The following ETV6 variants were observed in gnomAD, a reference collection of about 807,000 sequenced individuals.
The protein encoded by ETV6 is transcription factor ETV6.
In ETV6, 16 loss-of-function variants were observed where a neutral mutation model predicts 51.1. The observed-to-expected ratio is 0.31, with a 90% CI of 0.21 to 0.48. The LOEUF (loss-of-function observed/expected upper bound fraction) is 0.48. Ranked by LOEUF, ETV6 falls within the 20% of genes least tolerant of loss-of-function variation. The pLI is 0.99. For missense variants in ETV6, 458 were observed against 594.8 expected (o/e 0.77, Z 2.39); for synonymous variants, 240 against 224.1 (o/e 1.07, Z -0.64).
Position 11,894,801 on chromosome 12 carries a change from T to A in ETV6, c.*3755T>A, listed in dbSNP as rs555266672. 1 of 233,364 alleles carries A rather than the reference T, an allele frequency of 4.3e-6. No individual in the cohort carries two copies. The highest frequency in any genetic ancestry group is 5.6e-5 in the Admixed American group (1 of 17,794). 14.5% of individuals were successfully genotyped at this position (233,364 alleles called of 1,614,324 possible). A position where few individuals can be genotyped will look rare whatever the true frequency, so the allele number is the denominator to read the frequency against. Reference sequence around the variant, plus strand: ...CTAGGAGCAGACAGCATGCCAAGAATGGAATTAGGCTCAGGATCCAGCCTG... The same window carrying A: ...CTAGGAGCAGACAGCATGCCAAGAAAGGAATTAGGCTCAGGATCCAGCCTG... On this transcript the variant is annotated 3_prime_UTR_variant, in exon 8 of 8. Coordinates refer to ENST00000396373, the MANE Select transcript of ETV6 (RefSeq NM_001987.5).
intron 4 of ETV6, among the ~76,000 whole-genome samples, chr12:11,855,865 A>C (rs1268811628): frequency 1.3e-5 from 2 of 152,106 alleles, no homozygotes; most frequent in Non-Finnish European, 2.9e-5. Flanking sequence ...TCCGGCTTGC[A>C]TAATAGCCAC....
At chr12:11,859,515 C>T (rs977371439) in intron 4 of ETV6, among the ~76,000 whole-genome samples, 1 of 152,048 alleles carries the variant, frequency 6.6e-6, no homozygotes, top group African/African-American at 2.4e-5. Context: ...CTGTTCTAAG[C>T]TCTTATATCT....
chr12:11,789,373 C>A (rs143226943), intron 2 of ETV6, among the ~76,000 whole-genome samples: 25 of 152,244 alleles, frequency 1.6e-4, no homozygotes, highest in East Asian at 5.8e-4. Context: ...ATCTCCTTCA[C>A]TAATTCATCC....
intron 1 of ETV6, among the ~76,000 whole-genome samples, chr12:11,725,862 G>A (rs1374740624): frequency 6.6e-6 from 1 of 152,208 alleles, no homozygotes; most frequent in Non-Finnish European, 1.5e-5. Flanking sequence ...AGTGGAAGCA[G>A]CCTGAGGTCC....
chr12:11,825,303 AAG>A (rs1946136463), intron 2 of ETV6, among the ~76,000 whole-genome samples: 1 of 152,244 alleles, frequency 6.6e-6, no homozygotes, highest in Non-Finnish European at 1.5e-5. Context: ...GATTTTTTAA[AAG>A]AGAAACACAA....
chr12:11,650,297 G>C, intron 1 of ETV6, 137 bp downstream of exon 1: 1 of 761,142 alleles, frequency 1.3e-6, no homozygotes, highest in Non-Finnish European at 2.3e-6. Context: ...GAGGGAAAGA[G>C]ATGCAGCTCG....
At chr12:11,682,554 A>C (rs1864551300) in intron 1 of ETV6, among the ~76,000 whole-genome samples, 1 of 152,148 alleles carries the variant, frequency 6.6e-6, no homozygotes, top group Non-Finnish European at 1.5e-5. Context: ...GCTGAGCAGA[A>C]GCTCTTTAGT....
At chr12:11,693,413 G>A (rs913681283) in intron 1 of ETV6, among the ~76,000 whole-genome samples, 9 of 152,170 alleles carry the variant, frequency 5.9e-5, no homozygotes, top group Admixed American at 4.6e-4. Flanking sequence ...TCCCACAATA[G>A]TCATCTGGGT....
At chr12:11,652,564 CA>C (rs1433897114) in intron 1 of ETV6, among the ~76,000 whole-genome samples, 1 of 152,180 alleles carries the variant, frequency 6.6e-6, no homozygotes, top group Non-Finnish European at 1.5e-5. Flanking sequence ...TCCTGTGACA[CA>C]AAAGGCTCTC....
chr12:11,687,744 G>A (rs1033756113), intron 1 of ETV6, among the ~76,000 whole-genome samples: 5 of 152,016 alleles, frequency 3.3e-5, no homozygotes, highest in African/African-American at 9.7e-5. Context: ...TAGCTTTAAC[G>A]GACTTGTAGC....
rs183177395 is a variant in ETV6, at chr12:11,650,397, T to C, written c.33+237T>C. 8.8e-3 allele frequency among the ~76,000 whole-genome samples: 1,257 copies of C among 142,492 alleles called. 7 individuals are homozygous for C. Among genetic ancestry groups the C allele is most frequent in the Non-Finnish European group, 0.015 (994 of 65,670 alleles). 93.5% of individuals were successfully genotyped at this position (142,492 alleles called of 152,430 possible). On this transcript the variant is annotated intron_variant, in intron 1 of 7. Coordinates refer to ENST00000396373, the MANE Select transcript of ETV6 (RefSeq NM_001987.5). ...TCCTCGGCCCCCACCCCCTTGCTTT[T>C]TGACAATGAAATGCCGGTCACAATT...
chr12:11,763,400 C>T (rs1320826349), intron 2 of ETV6, among the ~76,000 whole-genome samples: 1 of 152,046 alleles, frequency 6.6e-6, no homozygotes, highest in Non-Finnish European at 1.5e-5. Flanking sequence ...GTAGGAATTC[C>T]CTGAGAGAGG....
intron 6 of ETV6, among the ~76,000 whole-genome samples, chr12:11,885,675 G>A (rs1359447774): frequency 6.6e-6 from 1 of 152,220 alleles, no homozygotes; most frequent in Non-Finnish European, 1.5e-5. Context: ...TTATTAGCTA[G>A]GGCTCCAGGA....
chr12:11,668,975 GTCTTCAGAT>G (rs1864251342), intron 1 of ETV6, among the ~76,000 whole-genome samples: 1 of 152,158 alleles, frequency 6.6e-6, no homozygotes, highest in African/African-American at 2.4e-5. Flanking sequence ...TCAGGGCCAC[GTCTTCAGAT>G]CCCTACAACT....
At chr12:11,875,162 A>G (rs1435448658) in intron 5 of ETV6, among the ~76,000 whole-genome samples, 1 of 152,248 alleles carries the variant, frequency 6.6e-6, no homozygotes, top group Non-Finnish European at 1.5e-5. Flanking sequence ...CAAATCACAA[A>G]TGACATCTTT....
intron 2 of ETV6, among the ~76,000 whole-genome samples, chr12:11,762,071 T>C (rs1945093649): frequency 6.6e-6 from 1 of 152,208 alleles, no homozygotes; most frequent in African/African-American, 2.4e-5. Context: ...CCAGCTCTGT[T>C]GAGCATTTCC....
chr12:11,697,157 G>C (rs1190993973), intron 1 of ETV6, among the ~76,000 whole-genome samples: 1 of 152,186 alleles, frequency 6.6e-6, no homozygotes, highest in Non-Finnish European at 1.5e-5. Context: ...CAGTGGAGTC[G>C]ATCATTTATT....
chr12:11,830,028 G>C lies in ETV6; in HGVS notation c.164-9112G>C, dbSNP rs535368443. 5.3e-5 allele frequency among the ~76,000 whole-genome samples: 8 copies of C among 152,254 alleles called. No individual in the cohort carries two copies. In the South Asian group the frequency reaches 1.7e-3, roughly 32 times the overall value. On this transcript the variant is annotated intron_variant, in intron 2 of 7. Transcript: ENST00000396373. ...TGAGCAGATTTGCAGAGAGCAGGCC[G>C]GTGGGGAAGGGAAAGGAGGCAGAAA...
In ETV6 at chr12:11,794,155, A is replaced by T. The variant is rs143375444; in HGVS notation, c.163+41576A>T. ...AGTCAGAGAAGGAGCAGTAAAGCCCAGTCGATCAATCAGCCTCTCTCTTTC... is the reference window on the plus strand; with the variant it reads ...AGTCAGAGAAGGAGCAGTAAAGCCCTGTCGATCAATCAGCCTCTCTCTTTC... On this transcript the variant is annotated intron_variant, in intron 2 of 7. Coordinates refer to ENST00000396373, the MANE Select transcript of ETV6 (RefSeq NM_001987.5). Among the ~76,000 whole-genome samples the T allele has an allele frequency of 1.5e-3, 236 of 152,318 alleles. 5 individuals carry two copies. In the East Asian group the frequency reaches 0.029, roughly 19 times the overall value.
Sources: allele counts gnomAD v4.1 joint callset (sites outside exome capture counted in the v4.1 genomes callset), GRCh38; gene constraint gnomAD v4.1.1; transcripts MANE v1.5; gene names NCBI Gene and HGNC (gene_info 2026-07-23, HGNC 2026-07-21).